DNAJC11: variants seen among roughly 807,000 people sequenced by gnomAD.
DNAJC11 encodes the protein dnaJ homolog subfamily C member 11.
DNAJC11 carries 15 observed loss-of-function variants against 78.6 expected under a neutral mutation model. The ratio of observed to expected loss-of-function variants is 0.19; its 90% CI spans 0.13 to 0.29. DNAJC11 has a LOEUF of 0.29. Among genes scored for constraint, DNAJC11 ranks in the 10% least tolerant of loss-of-function variants. DNAJC11 has a pLI of 1.00. For synonymous variants in DNAJC11, 292 were observed against 272.1 expected, an observed-to-expected ratio of 1.07 and a Z score of -0.72; for missense variants, 547 against 709.6, an observed-to-expected ratio of 0.77 and a Z score of 2.60.
At chr1:6,677,548 T>TGTTA (rs1330085306) in intron 3 of DNAJC11, among the ~76,000 whole-genome samples, 4 of 152,344 alleles carry the variant, frequency 2.6e-5, no homozygotes, top group Middle Eastern at 3.4e-3. Context: ...CCTCCCAGCC[T>TGTTA]GGCTCCCCAG....
chr1:6,695,583 A>T (rs1176064486), intron 1 of DNAJC11, among the ~76,000 whole-genome samples: 1 of 136,290 alleles, frequency 7.3e-6, no homozygotes, highest in East Asian at 2.6e-4. Context: ...CGACGTCAGG[A>T]GTTTGAGACC....
chr1:6,678,113 G>C (rs536004574), intron 3 of DNAJC11, among the ~76,000 whole-genome samples: 9 of 152,260 alleles, frequency 5.9e-5, no homozygotes, highest in Admixed American at 5.9e-4. Context: ...CCCCACACCT[G>C]GGTTAAAAAT....
chr1:6,643,478 T>C (rs1641914637), intron 10 of DNAJC11, among the ~76,000 whole-genome samples: 1 of 151,938 alleles, frequency 6.6e-6, no homozygotes. Context: ...GGTTTCACCG[T>C]GTTAGCCAGG....
intron 1 of DNAJC11, among the ~76,000 whole-genome samples, chr1:6,688,974 T>C (rs1642700544): frequency 6.6e-6 from 1 of 152,162 alleles, no homozygotes. Context: ...CACACGGTGC[T>C]TCCTCTGCGG....
At chr1:6,700,644 C>A (rs1331439922) in intron 1 of DNAJC11, among the ~76,000 whole-genome samples, 5 of 152,138 alleles carry the variant, frequency 3.3e-5, no homozygotes, top group African/African-American at 7.2e-5. Flanking sequence ...TAAGAGCTAT[C>A]CTCAGAATTA....
chr1:6,638,370 G>A lies in DNAJC11; in HGVS notation c.1254-6C>T, dbSNP rs751135995. ...CCCTCTGCTTCTCCAATTCCCTTACGCGAGAGGAACACAAGCCCCACGTTA... is the reference window on the plus strand; with the variant it reads ...CCCTCTGCTTCTCCAATTCCCTTACACGAGAGGAACACAAGCCCCACGTTA... On this transcript the variant is annotated splice_polypyrimidine_tract_variant and splice_region_variant and intron_variant, in intron 11 of 15. Coordinates refer to ENST00000377577, the MANE Select transcript of DNAJC11 (RefSeq NM_018198.4). The A allele has an allele frequency of 1.2e-5, 20 of 1,612,686 alleles. No individual in the cohort carries two copies. Among genetic ancestry groups the A allele is most frequent in the South Asian group, 4.4e-5 (4 of 90,990 alleles).
In DNAJC11 at chr1:6,638,286, A is replaced by G; in HGVS notation, c.1323+9T>C. 6.2e-7 allele frequency: 1 copy of G among 1,611,948 alleles called. No individual in the cohort carries two copies. The highest frequency in any genetic ancestry group is 8.5e-7 in the Non-Finnish European group (1 of 1,178,532). On this transcript the variant is annotated intron_variant, in intron 12 of 15. Coordinates refer to ENST00000377577, the MANE Select transcript of DNAJC11 (RefSeq NM_018198.4). ...AGCCCTCGCTTGGGAACGGTGGGGC[A>G]GCACTCACAGCGGACTCCGCCTCTT...
At chr1:6,676,732 A>G (rs1442048876) in intron 3 of DNAJC11, among the ~76,000 whole-genome samples, 4 of 152,114 alleles carry the variant, frequency 2.6e-5, no homozygotes, top group South Asian at 2.1e-4. Context: ...AATATGGCCC[A>G]TGAGCCACCA....
At chr1:6,661,685 C>G (rs890900261) in intron 4 of DNAJC11, among the ~76,000 whole-genome samples, 3 of 152,162 alleles carry the variant, frequency 2.0e-5, no homozygotes, top group African/African-American at 7.2e-5. Context: ...CCTGCCACTA[C>G]GCACAACAAA....
At position 6,701,591 on chromosome 1, in the gene DNAJC11, G is replaced by C. The variant is rs1642930061; in HGVS notation, c.72+138C>G. On this transcript the variant is annotated intron_variant, in intron 1 of 15. Coordinates refer to ENST00000377577, the MANE Select transcript of DNAJC11 (RefSeq NM_018198.4). ...GACGCCTCCATCGGGCGGCTGGCGT[G>C]CACGTCGCCGGGGTCACGCGGCCTC... 3 of 822,748 alleles carry C rather than the reference G, an allele frequency of 3.6e-6. No individual in the cohort carries two copies. The East Asian group carries it at 1.0e-4, about 28-fold the overall frequency. The allele number at this position is 822,748 out of a possible 1,614,324, so 51.0% of individuals were successfully genotyped here.
intron 2 of DNAJC11, among the ~76,000 whole-genome samples, chr1:6,679,775 T>G (rs890601123): frequency 1.4e-4 from 22 of 152,192 alleles, no homozygotes; most frequent in African/African-American, 5.1e-4. Flanking sequence ...GGGTTTTTCT[T>G]TAACTCTTCC....
Position 6,634,694 on chromosome 1 carries a change from GAGGAAGGGTCTGA to G in DNAJC11, c.*968_*980del. 7.3e-7 allele frequency: 1 copy of G among 1,366,012 alleles called. No individual in the cohort carries two copies. The highest frequency in any genetic ancestry group is 9.8e-7 in the Non-Finnish European group (1 of 1,021,686). The allele number at this position is 1,366,012 out of a possible 1,614,324, so 84.6% of individuals were successfully genotyped here. A position where few individuals can be genotyped will look rare whatever the true frequency, so the allele number is the denominator to read the frequency against. On this transcript the variant is annotated 3_prime_UTR_variant, in exon 16 of 16. Coordinates refer to ENST00000377577, the MANE Select transcript of DNAJC11 (RefSeq NM_018198.4). ...ATTCTGCATCCCAAGTGGGCACGTGGAGGAAGGGTCTGAAGGAAGGCTCCGGAGCACAGGCCCT... is the reference window on the plus strand; with the variant it reads ...ATTCTGCATCCCAAGTGGGCACGTGGAGGAAGGCTCCGGAGCACAGGCCCT...
chr1:6,695,158 AAAAAT>A lies in DNAJC11; in HGVS notation c.72+6566_72+6570del, dbSNP rs772825309. ...GAGACTCTCTCAAAAAAAAAAAAAA[AAAAAT>A]TTTTTTTTTTAATTAAAGATGGAGT... On this transcript the variant is annotated intron_variant, in intron 1 of 15. Coordinates refer to ENST00000377577, the MANE Select transcript of DNAJC11 (RefSeq NM_018198.4). 3.4e-3 allele frequency among the ~76,000 whole-genome samples: 360 copies of A among 106,066 alleles called. 1 individual carries two copies. The highest frequency in any genetic ancestry group is 0.021 in the Middle Eastern group (5 of 242). 69.6% of individuals were successfully genotyped at this position (106,066 alleles called of 152,430 possible).
At chr1:6,644,001 C>G (rs539272727) in intron 10 of DNAJC11, among the ~76,000 whole-genome samples, 129 of 151,558 alleles carry the variant, frequency 8.5e-4, no homozygotes, top group African/African-American at 3.1e-3. Context: ...CTCCCGAGTA[C>G]CTGGGACTAC....
intron 14 of DNAJC11, among the ~76,000 whole-genome samples, 163 bp downstream of exon 14, chr1:6,637,035 A>C (rs1257596586): frequency 6.6e-6 from 1 of 152,066 alleles, no homozygotes; most frequent in African/African-American, 2.4e-5. Context: ...TTTTTTGTAG[A>C]GATAGGGTTT....
intron 4 of DNAJC11, among the ~76,000 whole-genome samples, chr1:6,663,746 T>A (rs6659873): frequency 6.6e-6 from 1 of 151,780 alleles, no homozygotes; most frequent in Non-Finnish European, 1.5e-5. Context: ...CAAGGGTGGC[T>A]TTTTCCAGCA....
At position 6,645,723 on chromosome 1, in the gene DNAJC11, T is replaced by C. The variant is rs1641954125; in HGVS notation, c.894+66A>G. ...AGGACGCAGGATTTAAGGGGAGCAC[T>C]GAGTGCTTGGGAGGAGGGGTCCTCC... On this transcript the variant is annotated intron_variant, in intron 8 of 15. Coordinates refer to ENST00000377577, the MANE Select transcript of DNAJC11 (RefSeq NM_018198.4). The surrounding 1 kb of genome is among the most constrained non-coding windows in gnomAD (Gnocchi z 4.1). 3.2e-6 allele frequency: 5 copies of C among 1,565,494 alleles called. No homozygotes were observed. Among genetic ancestry groups the C allele is most frequent in the Non-Finnish European group, 4.4e-6 (5 of 1,143,520 alleles).
chr1:6,699,297 T>C (rs1160719945), intron 1 of DNAJC11, among the ~76,000 whole-genome samples: 1 of 152,134 alleles, frequency 6.6e-6, no homozygotes, highest in Non-Finnish European at 1.5e-5. Context: ...ACCCTGTCTC[T>C]AAACAAACAA....
intron 7 of DNAJC11, among the ~76,000 whole-genome samples, 190 bp downstream of exon 7, chr1:6,651,339 C>G (rs553309156): frequency 1.3e-5 from 2 of 152,348 alleles, no homozygotes; most frequent in South Asian, 4.1e-4. Flanking sequence ...GTCCGGCCCC[C>G]TCAATCCTGC....
Sources: allele counts gnomAD v4.1 joint callset (sites outside exome capture counted in the v4.1 genomes callset), GRCh38; gene constraint gnomAD v4.1.1; non-coding constraint Gnocchi (gnomAD v3.1); transcripts MANE v1.5; gene names NCBI Gene and HGNC (gene_info 2026-07-23, HGNC 2026-07-21).